Variants in ACBD5 observed in about 807,000 individuals in gnomAD.
ACBD5 encodes the protein acyl-CoA-binding domain-containing protein 5.
A neutral mutation model predicts 71.8 loss-of-function variants in ACBD5; 40 were observed. The ratio of observed to expected loss-of-function variants is 0.56; its 90% CI spans 0.43 to 0.72. The LOEUF (loss-of-function observed/expected upper bound fraction) is 0.72. ACBD5 is among the 30% of genes least tolerant of loss of function. ACBD5 has a pLI of 0.00. For synonymous variants in ACBD5, 229 were observed against 218.6 expected (o/e 1.05, Z -0.42); for missense variants, 559 against 644.5 (o/e 0.87, Z 1.44).
At position 27,215,599 on chromosome 10, in the gene ACBD5, T is replaced by G. The variant is rs917185509; in HGVS notation, c.872A>C (p.His291Pro). The change falls in exon 8 of 13, where the codon CAT becomes CCT. Residue 291 changes from histidine (H) to proline (P), a missense_variant. Coordinates refer to ENST00000396271, the MANE Select transcript of ACBD5 (RefSeq NM_145698.5). ...DHVEDVTGIQ[H>P]LTSDSDSEVY... Reference sequence around the variant, plus strand: ...TTCACTGTCTGAATCGCTTGTCAAATGCTGAATTCCTGTAACATCTTCAAC... The same window carrying G: ...TTCACTGTCTGAATCGCTTGTCAAAGGCTGAATTCCTGTAACATCTTCAAC... 6 of 1,613,546 alleles carry G rather than the reference T, an allele frequency of 3.7e-6. No individual in the cohort carries two copies. The highest frequency in any genetic ancestry group is 5.1e-6 in the Non-Finnish European group (6 of 1,179,784).
intron 5 of ACBD5, 110 bp from the exon 6 acceptor site, chr10:27,219,967 T>G: frequency 2.2e-6 from 2 of 914,800 alleles, no homozygotes; most frequent in Non-Finnish European, 3.1e-6. Context: ...AATTTTGAAT[T>G]AAAATGTTAT....
At chr10:27,210,761 A>G (rs922171879) in intron 9 of ACBD5, 53 bp downstream of exon 9, 16 of 1,613,288 alleles carry the variant, frequency 9.9e-6, no homozygotes, top group Non-Finnish European at 1.3e-5. Context: ...CTCCATCTCA[A>G]AAATAAGTAA....
At chr10:27,239,506 T>A (rs1158983312) in intron 2 of ACBD5, among the ~76,000 whole-genome samples, 1 of 152,150 alleles carries the variant, frequency 6.6e-6, no homozygotes, top group South Asian at 2.1e-4. Context: ...GCCACTGGAA[T>A]GACTTTTTTC....
Position 27,196,401 on chromosome 10 carries a change from G to A in ACBD5, c.*1029C>T. 2.2e-6 allele frequency: 1 copy of A among 454,276 alleles called. No homozygotes were observed. Among genetic ancestry groups the A allele is most frequent in the Non-Finnish European group, 4.4e-6 (1 of 226,772 alleles). 28.1% of individuals were successfully genotyped at this position (454,276 alleles called of 1,614,324 possible). A position where few individuals can be genotyped will look rare whatever the true frequency, so the allele number is the denominator to read the frequency against. On this transcript the variant is annotated 3_prime_UTR_variant, in exon 13 of 13. Transcript: ENST00000396271. ...TAGCTGGGCATGCCTTATTCCTATG[G>A]AAGCATTTGGCCCGTTAGCTTGCAA...
chr10:27,194,645 T>TAAGAAG (rs1461635766), downstream of ACBD5, among the ~76,000 whole-genome samples: 11 of 148,458 alleles, frequency 7.4e-5, no homozygotes, highest in Admixed American at 2.0e-4. Flanking sequence ...ATAATAATAA[T>TAAGAAG]AATAAGATGG....
chr10:27,209,766 T>G (rs1158594163), intron 9 of ACBD5, among the ~76,000 whole-genome samples: 2 of 152,234 alleles, frequency 1.3e-5, no homozygotes, highest in Non-Finnish European at 2.9e-5. Context: ...CCCTTATACA[T>G]GATTTTATGT....
rs117746717 is a variant in ACBD5 at position 27,222,878 on chromosome 10, T to C, written c.490+460A>G. Among the ~76,000 whole-genome samples, 1,519 of 152,268 alleles carry C rather than the reference T, an allele frequency of 1.0e-2. 9 individuals are homozygous for C. Among genetic ancestry groups the C allele is most frequent in the Middle Eastern group, 0.027 (8 of 294 alleles). Reference sequence around the variant, plus strand: ...TGAGCCACCACACCTGGCCAACATATCCATTTTAAAATTAGCTAGTAAATC... The same window carrying C: ...TGAGCCACCACACCTGGCCAACATACCCATTTTAAAATTAGCTAGTAAATC... On this transcript the variant is annotated intron_variant, in intron 5 of 12. Transcript: ENST00000396271.
intron 13 of ACBD5, chr10:27,186,410 G>A: frequency 6.2e-7 from 1 of 1,613,998 alleles, no homozygotes; most frequent in Non-Finnish European, 8.5e-7. Flanking sequence ...TCAGTGATGT[G>A]GACTGGGAAA....
At chr10:27,189,630 G>GA (rs2058985321) in intron 13 of ACBD5, among the ~76,000 whole-genome samples, 3 of 137,798 alleles carry the variant, frequency 2.2e-5, no homozygotes, top group East Asian at 2.0e-4. Flanking sequence ...TGTGGGGTGG[G>GA]GGGGAGGGAT....
At chr10:27,210,684 G>A in intron 9 of ACBD5, 130 bp downstream of exon 9, 1 of 1,208,666 alleles carries the variant, frequency 8.3e-7, no homozygotes, top group Non-Finnish European at 1.2e-6. Context: ...CTTGAACCCG[G>A]GAGGCAGAGG....
At chr10:27,184,849 T>C (rs1221964444) in intron 13 of ACBD5, among the ~76,000 whole-genome samples, 1 of 151,948 alleles carries the variant, frequency 6.6e-6, no homozygotes, top group African/African-American at 2.4e-5. Flanking sequence ...GCATGAGCCA[T>C]TACTCTGCCC....
At chr10:27,230,485 CATAAAAATGGTTCTTT>C (rs1376039526) in intron 4 of ACBD5, among the ~76,000 whole-genome samples, 2 of 152,018 alleles carry the variant, frequency 1.3e-5, no homozygotes, top group African/African-American at 4.8e-5. Flanking sequence ...CCATGTCTAA[CATAAAAATGGTTCTTT>C]ATAAAAAAGT....
chr10:27,197,094 C>T lies in ACBD5; in HGVS notation c.*336G>A, dbSNP rs754129843. On this transcript the variant is annotated 3_prime_UTR_variant, in exon 13 of 13. Coordinates refer to ENST00000396271, the MANE Select transcript of ACBD5 (RefSeq NM_145698.5). ...TCACAATGGTACCTTTGAAAAGCAGCTTATGTTACTCTATGGAAGATAATC... is the reference window on the plus strand; with the variant it reads ...TCACAATGGTACCTTTGAAAAGCAGTTTATGTTACTCTATGGAAGATAATC... The T allele has an allele frequency of 2.1e-6, 1 of 474,690 alleles. No homozygotes were observed. The highest frequency in any genetic ancestry group is 2.5e-5 in the Admixed American group (1 of 39,758). 29.4% of individuals were successfully genotyped at this position (474,690 alleles called of 1,614,324 possible).
At chr10:27,216,624 G>A (rs1377599631) in intron 7 of ACBD5, among the ~76,000 whole-genome samples, 1 of 152,088 alleles carries the variant, frequency 6.6e-6, no homozygotes, top group Non-Finnish European at 1.5e-5. Context: ...TTTATACTGA[G>A]AGACGAATTT....
rs56371414 is a variant in ACBD5, at chr10:27,199,724, T to C, written c.1566-2282A>G. 4.1e-3 allele frequency among the ~76,000 whole-genome samples: 620 copies of C among 152,202 alleles called. 1 individual carries two copies. The highest frequency in any genetic ancestry group is 6.8e-3 in the Non-Finnish European group (464 of 68,016). ...AAGTTTGTATTTATTACCTCTCTAC[T>C]GAAGGCTGAATGTCCCCAAGAAGAT... is the stretch of plus-strand genomic sequence containing the variant. On this transcript the variant is annotated intron_variant, in intron 12 of 12. Transcript: ENST00000396271.
intron 8 of ACBD5, 133 bp downstream of exon 8, chr10:27,215,402 C>A (rs1389722549): frequency 1.2e-5 from 8 of 653,750 alleles, no homozygotes; most frequent in East Asian, 2.9e-5. Flanking sequence ...GTTTAAAATA[C>A]AAATGTTTAA....
chr10:27,210,246 C>G (rs947611697), intron 9 of ACBD5, among the ~76,000 whole-genome samples: 1 of 152,134 alleles, frequency 6.6e-6, no homozygotes, highest in African/African-American at 2.4e-5. Context: ...CATCCTGGAC[C>G]TCCACTGCAG....
At chr10:27,188,786 C>T (rs550456057) in intron 13 of ACBD5, among the ~76,000 whole-genome samples, 11 of 152,162 alleles carry the variant, frequency 7.2e-5, no homozygotes, top group African/African-American at 2.6e-4. Context: ...TAGGGAAAAA[C>T]CTAAGAGGAA....
chr10:27,228,809 ATATATATTTTTTTT>A (rs1359664661), intron 4 of ACBD5, among the ~76,000 whole-genome samples: 1,824 of 14,792 alleles, frequency 0.12, 44 homozygotes, highest in African/African-American at 0.15. Flanking sequence ...ATATATATAT[ATATATATTTTTTTT>A]TTTTTTTTTT....
Sources: allele counts gnomAD v4.1 joint callset (sites outside exome capture counted in the v4.1 genomes callset), GRCh38; gene constraint gnomAD v4.1.1; transcripts MANE v1.5; gene names NCBI Gene and HGNC (gene_info 2026-07-23, HGNC 2026-07-21).